Variants in B3GALT1 observed in about 807,000 individuals in gnomAD.
B3GALT1 encodes UDP-Gal:betaGlcNAc beta 1,3-galactosyltransferase, polypeptide 1.
A neutral mutation model predicts 23.2 loss-of-function variants in B3GALT1; 10 were observed. The observed-to-expected ratio is 0.43, with a 90% CI of 0.27 to 0.73. The LOEUF (loss-of-function observed/expected upper bound fraction) is 0.73, where lower values mean the gene tolerates loss of function less well. Among genes scored for constraint, B3GALT1 ranks in the 30% least tolerant of loss-of-function variants. The pLI, the probability that B3GALT1 is intolerant of heterozygous loss-of-function variation, is 0.21. For synonymous variants in B3GALT1, 156 were observed against 141.5 expected, an observed-to-expected ratio of 1.10 and a Z score of -0.73; for missense variants, 299 against 405.4, an observed-to-expected ratio of 0.74 and a Z score of 2.25.
intron 4 of B3GALT1, among the ~76,000 whole-genome samples, chr2:167,854,455 C>T (rs1362342044): frequency 6.6e-6 from 1 of 152,174 alleles, no homozygotes; most frequent in African/African-American, 2.4e-5. Flanking sequence ...CACGTTATTG[C>T]TTCTATTGCC....
intron 3 of B3GALT1, among the ~76,000 whole-genome samples, chr2:167,777,707 C>A (rs907896934): frequency 1.3e-5 from 2 of 152,180 alleles, no homozygotes; most frequent in Non-Finnish European, 2.9e-5. Flanking sequence ...TCCCCTGAGA[C>A]CAAATAACCT....
intron 3 of B3GALT1, among the ~76,000 whole-genome samples, chr2:167,774,480 T>TGTTTTG (rs201227874): frequency 3.3e-5 from 4 of 121,410 alleles, no homozygotes; most frequent in African/African-American, 3.4e-5. Context: ...TGGTTTTTTT[T>TGTTTTG]TTTTGTTTTT....
At chr2:167,296,227 A>C (rs1696347652) in intron 1 of B3GALT1, among the ~76,000 whole-genome samples, 1 of 152,222 alleles carries the variant, frequency 6.6e-6, no homozygotes, top group African/African-American at 2.4e-5. Flanking sequence ...CTTTTCTAAG[A>C]AGATCACATC....
At chr2:167,433,338 A>G (rs906824983) in intron 1 of B3GALT1, among the ~76,000 whole-genome samples, 3 of 152,190 alleles carry the variant, frequency 2.0e-5, no homozygotes, top group Non-Finnish European at 4.4e-5. Context: ...CTGTTAACTT[A>G]CTGAAGAACA....
At chr2:167,789,497 A>G (rs773377646) in intron 3 of B3GALT1, among the ~76,000 whole-genome samples, 1 of 152,160 alleles carries the variant, frequency 6.6e-6, no homozygotes, top group African/African-American at 2.4e-5. Context: ...GGCACACTCT[A>G]TGGTTCATAA....
At chr2:167,563,126 G>A (rs1041718465) in intron 2 of B3GALT1, among the ~76,000 whole-genome samples, 13 of 150,700 alleles carry the variant, frequency 8.6e-5, no homozygotes, top group East Asian at 2.0e-4. Context: ...CCACAAAACC[G>A]CCATTGTCAT....
chr2:167,576,467 A>G (rs186468446), intron 2 of B3GALT1, among the ~76,000 whole-genome samples: 1 of 151,102 alleles, frequency 6.6e-6, no homozygotes, highest in East Asian at 1.9e-4. Flanking sequence ...TTTAGTGAGG[A>G]CAGGTTTAGT....
At chr2:167,422,640 G>A (rs1462079466) in intron 1 of B3GALT1, among the ~76,000 whole-genome samples, 1 of 152,158 alleles carries the variant, frequency 6.6e-6, no homozygotes, top group African/African-American at 2.4e-5. Flanking sequence ...GGGAGGGAGA[G>A]TGGTTATGGA....
At chr2:167,565,752 G>T (rs1176643231) in intron 2 of B3GALT1, among the ~76,000 whole-genome samples, 2 of 152,206 alleles carry the variant, frequency 1.3e-5, no homozygotes, top group Non-Finnish European at 2.9e-5. Flanking sequence ...ATGAAAAAAT[G>T]CTCACCATCA....
rs1326945691 is a variant in B3GALT1 at position 167,869,682 on chromosome 2, GA to G, written c.644del (p.Asp215ValfsTer33). On this transcript the variant is annotated frameshift_variant, in exon 5 of 5. Transcript: ENST00000392690. LOFTEE classifies it high-confidence loss of function. This position sits in a 1 kb window ranked among gnomAD's most constrained non-coding sequence, Gnocchi z 6.4. ...GYVINGGPIR[D>X]VRSKWYMPRD... ...TGTCATTAATGGAGGACCGATTCGGGATGTCCGCAGTAAGTGGTATATGCCC... is the reference window on the plus strand; with the variant it reads ...TGTCATTAATGGAGGACCGATTCGGGTGTCCGCAGTAAGTGGTATATGCCC... 2.5e-6 allele frequency: 4 copies of G among 1,614,000 alleles called. No individual in the cohort carries two copies. The highest frequency in any genetic ancestry group is 3.4e-6 in the Non-Finnish European group (4 of 1,180,020).
chr2:167,506,578 AC>A (rs1699921890), intron 2 of B3GALT1, among the ~76,000 whole-genome samples: 1 of 152,182 alleles, frequency 6.6e-6, no homozygotes, highest in African/African-American at 2.4e-5. Flanking sequence ...TTTATGACAA[AC>A]ATTACATATA....
chr2:167,720,999 TTC>T (rs1687222838), intron 3 of B3GALT1, among the ~76,000 whole-genome samples: 1 of 151,958 alleles, frequency 6.6e-6, no homozygotes, highest in African/African-American at 2.4e-5. Flanking sequence ...TTGTTCAGCA[TTC>T]TTTCTTCATC....
intron 4 of B3GALT1, among the ~76,000 whole-genome samples, chr2:167,867,674 C>G (rs1256928278): frequency 6.6e-6 from 1 of 152,184 alleles, no homozygotes; most frequent in Non-Finnish European, 1.5e-5. Flanking sequence ...CATGTAAGCA[C>G]ATGGTTTTCT....
At chr2:167,668,506 T>A (rs1044171172) in intron 3 of B3GALT1, among the ~76,000 whole-genome samples, 25 of 152,202 alleles carry the variant, frequency 1.6e-4, no homozygotes, top group Admixed American at 6.5e-5. Context: ...CTGCTTTGTT[T>A]ACCTAAGCAA....
intron 3 of B3GALT1, among the ~76,000 whole-genome samples, chr2:167,809,113 G>A (rs1403864840): frequency 6.6e-6 from 1 of 152,142 alleles, no homozygotes; most frequent in Non-Finnish European, 1.5e-5. Context: ...CGTAGTCCTC[G>A]TGCCTTGGTT....
intron 3 of B3GALT1, among the ~76,000 whole-genome samples, chr2:167,814,136 G>A (rs952712482): frequency 1.3e-5 from 2 of 152,040 alleles, no homozygotes; most frequent in Non-Finnish European, 2.9e-5. Context: ...ATTTCAGCTG[G>A]GTTTCTTTTT....
intron 1 of B3GALT1, among the ~76,000 whole-genome samples, chr2:167,411,946 T>C (rs1396295092): frequency 1.3e-5 from 2 of 151,928 alleles, no homozygotes; most frequent in African/African-American, 4.8e-5. Flanking sequence ...ACGAAATAAA[T>C]TAGGTACAGA....
Position 167,712,356 on chromosome 2 carries a change from A to G in B3GALT1, c.-352+65390A>G, listed in dbSNP as rs79062110. The stretch of plus-strand genomic sequence containing the variant: ...TTCCAGAGTACAAACACATGTGATT[A>G]GTGTTGGATGAAGAAATGGGAATAA... On this transcript the variant is annotated intron_variant, in intron 3 of 4. Transcript: ENST00000392690. 3.3e-3 allele frequency among the ~76,000 whole-genome samples: 503 copies of G among 151,952 alleles called. 16 individuals are homozygous for G. The East Asian group carries it at 0.078, about 24-fold the overall frequency.
At chr2:167,306,610 A>G (rs1360612242) in intron 1 of B3GALT1, among the ~76,000 whole-genome samples, 2 of 152,126 alleles carry the variant, frequency 1.3e-5, no homozygotes, top group East Asian at 1.9e-4. Flanking sequence ...ATCTCCTTAT[A>G]TAGGTGAGTT....
Sources: gnomAD v4.1 joint callset for allele counts (sites outside exome capture counted in the v4.1 genomes callset) on GRCh38, gnomAD v4.1.1 for gene constraint, Gnocchi (gnomAD v3.1) non-coding constraint, MANE v1.5 for transcripts, NCBI Gene and HGNC (gene_info 2026-07-23, HGNC 2026-07-21) for gene names.